The following INTS9 variants were observed in gnomAD, a reference collection of about 807,000 sequenced individuals.
INTS9 encodes the protein protein related to CPSF subunits of 74 kDa.
Under a neutral mutation model 79.7 loss-of-function variants are expected in INTS9, and 55 were observed. The observed-to-expected ratio is 0.69, with a 90% CI of 0.56 to 0.86. The LOEUF (loss-of-function observed/expected upper bound fraction) is 0.86. INTS9 is among the 40% of genes least tolerant of loss of function. INTS9 has a pLI of 0.00. For synonymous variants in INTS9, 319 were observed against 325.2 expected, an observed-to-expected ratio of 0.98 and a Z score of 0.20; for missense variants, 721 against 831.5, an observed-to-expected ratio of 0.87 and a Z score of 1.64.
chr8:28,847,927 T>C (rs1309346727), intron 3 of INTS9, among the ~76,000 whole-genome samples: 3 of 152,338 alleles, frequency 2.0e-5, no homozygotes, highest in Non-Finnish European at 2.9e-5. Context: ...AATGTTTATA[T>C]ACCAACTGCT....
intron 1 of INTS9, among the ~76,000 whole-genome samples, chr8:28,889,405 T>C (rs1296751965): frequency 6.6e-6 from 1 of 152,230 alleles, no homozygotes; most frequent in Non-Finnish European, 1.5e-5. Context: ...GTGAGGAGTC[T>C]ATATAACAGG....
intron 7 of INTS9, 114 bp from the exon 8 acceptor site, chr8:28,812,575 T>C (rs1310274509): frequency 8.4e-7 from 1 of 1,185,440 alleles, no homozygotes; most frequent in Non-Finnish European, 1.2e-6. Flanking sequence ...AAAATTATTT[T>C]AAAGTAAACC....
intron 6 of INTS9, among the ~76,000 whole-genome samples, chr8:28,826,114 G>A (rs570349906): frequency 1.2e-4 from 19 of 152,282 alleles, no homozygotes; most frequent in Admixed American, 3.9e-4. Context: ...ATAGAACACT[G>A]TATTTAGAAG....
At chr8:28,820,262 A>C (rs1805752356) in intron 6 of INTS9, among the ~76,000 whole-genome samples, 1 of 152,148 alleles carries the variant, frequency 6.6e-6, no homozygotes, top group Non-Finnish European at 1.5e-5. Flanking sequence ...GGTCTTTACA[A>C]TTTGGCATGA....
At chr8:28,866,252 T>TA (rs1361877401) in intron 1 of INTS9, among the ~76,000 whole-genome samples, 1 of 152,230 alleles carries the variant, frequency 6.6e-6, no homozygotes. Context: ...CTACTCATCC[T>TA]AACTCATGGT....
At chr8:28,842,099 T>C (rs1807220730) in intron 4 of INTS9, among the ~76,000 whole-genome samples, 1 of 152,112 alleles carries the variant, frequency 6.6e-6, no homozygotes, top group South Asian at 2.1e-4. Context: ...AAAAAAATCA[T>C]AAGGAAAAGT....
At chr8:28,868,257 TC>T (rs1306685637) in intron 1 of INTS9, among the ~76,000 whole-genome samples, 1 of 152,224 alleles carries the variant, frequency 6.6e-6, no homozygotes, top group African/African-American at 2.4e-5. Flanking sequence ...CTGCAATCCA[TC>T]ATAAGCAGTA....
chr8:28,773,396 G>A (rs183545386), intron 14 of INTS9, among the ~76,000 whole-genome samples: 59 of 150,084 alleles, frequency 3.9e-4, no homozygotes, highest in African/African-American at 1.0e-3. Flanking sequence ...GCTGGGAGGC[G>A]GAGCTTGCAG....
At chr8:28,776,581 A>C (rs1286027287) in intron 13 of INTS9, among the ~76,000 whole-genome samples, 1 of 152,126 alleles carries the variant, frequency 6.6e-6, no homozygotes, top group Non-Finnish European at 1.5e-5. Context: ...CCCTGCTTCT[A>C]CTTAAGAGCT....
chr8:28,888,927 C>CA (rs1002575271), intron 1 of INTS9, among the ~76,000 whole-genome samples: 4 of 150,846 alleles, frequency 2.7e-5, no homozygotes, highest in African/African-American at 7.3e-5. Context: ...TTTTTTGAGA[C>CA]AGAGTCTCGC....
intron 2 of INTS9, among the ~76,000 whole-genome samples, chr8:28,851,824 A>T (rs1008526874): frequency 6.6e-6 from 1 of 152,178 alleles, no homozygotes; most frequent in African/African-American, 2.4e-5. Context: ...CAAGGATGTG[A>T]ATACAATGGA....
At chr8:28,826,272 A>G (rs1447542587) in intron 6 of INTS9, among the ~76,000 whole-genome samples, 3 of 152,212 alleles carry the variant, frequency 2.0e-5, no homozygotes, top group Non-Finnish European at 4.4e-5. Flanking sequence ...CATAGTGCCC[A>G]ATATAAATGA....
chr8:28,888,852 G>T (rs561318778), intron 1 of INTS9, among the ~76,000 whole-genome samples: 5 of 152,212 alleles, frequency 3.3e-5, no homozygotes, highest in African/African-American at 1.2e-4. Context: ...GAGGGTAGGT[G>T]TGTTGTGTGG....
chr8:28,769,042 G>A (rs1039294788), intron 16 of INTS9, among the ~76,000 whole-genome samples: 100 of 152,268 alleles, frequency 6.6e-4, no homozygotes, highest in African/African-American at 2.4e-3. Flanking sequence ...CATTAACAGG[G>A]CCCAGGAGCC....
intron 2 of INTS9, among the ~76,000 whole-genome samples, chr8:28,853,460 A>G (rs897963474): frequency 5.9e-5 from 9 of 151,846 alleles, no homozygotes; most frequent in Non-Finnish European, 1.0e-4. Flanking sequence ...CTAATAAAAT[A>G]TGGGAGGTAA....
chr8:28,844,090 C>T (rs1807354687), intron 4 of INTS9, among the ~76,000 whole-genome samples: 1 of 152,160 alleles, frequency 6.6e-6, no homozygotes, highest in South Asian at 2.1e-4. Context: ...TACTTGAGCT[C>T]CCCACAACAG....
At chr8:28,797,740 A>G (rs1194738290) in intron 8 of INTS9, among the ~76,000 whole-genome samples, 1 of 152,236 alleles carries the variant, frequency 6.6e-6, no homozygotes, top group Non-Finnish European at 1.5e-5. Context: ...CATCTGAAAC[A>G]CATCCTTTCC....
intron 3 of INTS9, among the ~76,000 whole-genome samples, chr8:28,847,332 G>A (rs1477487231): frequency 6.6e-6 from 1 of 152,058 alleles, no homozygotes; most frequent in African/African-American, 2.4e-5. Flanking sequence ...CACCTACCAA[G>A]GGTTGGGAGG....
chr8:28,835,844 T>C (rs1806780526), intron 5 of INTS9, among the ~76,000 whole-genome samples: 1 of 152,144 alleles, frequency 6.6e-6, no homozygotes, highest in Non-Finnish European at 1.5e-5. Flanking sequence ...GTTTCGTTCT[T>C]GTTGCCCAGG....
Sources: gnomAD v4.1 joint callset for allele counts (sites outside exome capture counted in the v4.1 genomes callset) on GRCh38, gnomAD v4.1.1 for gene constraint, MANE v1.5 for transcripts, NCBI Gene and HGNC (gene_info 2026-07-23, HGNC 2026-07-21) for gene names.